BSN: variants seen among roughly 807,000 people sequenced by gnomAD.
BSN encodes the protein bassoon presynaptic cytomatrix protein, also known as protein bassoon.
BSN carries 57 observed loss-of-function variants against 264.8 expected under a neutral mutation model. The observed-to-expected ratio is 0.22, with a 90% CI of 0.17 to 0.27. The LOEUF (loss-of-function observed/expected upper bound fraction) is 0.27, where lower values mean the gene tolerates loss of function less well. Among genes scored for constraint, BSN ranks in the 10% least tolerant of loss-of-function variants. The probability of loss-of-function intolerance (pLI) is 1.00; values close to 1 mark genes in which losing one functional copy is unlikely to be tolerated. For missense variants in BSN, 4,615 were observed against 5,232.5 expected, an observed-to-expected ratio of 0.88 and a Z score of 3.64; for synonymous variants, 2,059 against 2,137.3, an observed-to-expected ratio of 0.96 and a Z score of 1.01.
At chr3:49,566,475 C>G (rs969432155) in intron 1 of BSN, among the ~76,000 whole-genome samples, 1 of 152,076 alleles carries the variant, frequency 6.6e-6, no homozygotes, top group African/African-American at 2.4e-5. Flanking sequence ...TCTCCTTGAC[C>G]TACTTTAGTG....
intron 9 of BSN, 106 bp downstream of exon 9, chr3:49,664,660 GC>G: frequency 1.3e-6 from 2 of 1,540,968 alleles, no homozygotes. Flanking sequence ...CAGCCAGAGA[GC>G]CCACCTGCTG....
rs1233963197 is a variant in BSN at position 49,661,439 on chromosome 3, C to T, written c.9594C>T (p.Pro3198=). 6.2e-7 allele frequency: 1 copy of T among 1,613,724 alleles called. No individual in the cohort carries two copies. The part of the protein sequence containing the change: ...GYEQGKVPEV[P]RAGDRGSVSQ... ...AGCAGGGCAAGGTCCCTGAGGTGCC[C>T]CGGGCTGGTGACCGTGGCAGTGTGA... Residue 3198 remains proline, a synonymous_variant, in exon 6 of 12, where the codon CCC becomes CCT. Transcript: ENST00000296452.
chr3:49,651,948 G>A lies in BSN; in HGVS notation c.2392G>A (p.Asp798Asn). The A allele has an allele frequency of 6.2e-7, 1 of 1,613,508 alleles. No individual in the cohort carries two copies. Among genetic ancestry groups the A allele is most frequent in the Non-Finnish European group, 8.5e-7 (1 of 1,179,822 alleles). Residue 798 changes from aspartate (D) to asparagine (N), a missense_variant, in exon 5 of 12, where the codon GAC becomes AAC. Coordinates refer to ENST00000296452, the MANE Select transcript of BSN (RefSeq NM_003458.4). The surrounding 1 kb of genome is among the most constrained non-coding windows in gnomAD (Gnocchi z 5.4). ...GTGGAGGCGCCGGAGAGAGCAGCAG[G>A]ACACTGCCGAGTCCTCAGACGACTT... Reference protein sequence around the residue: ...AEWRRRREQQDTAESSDDFGS... With the variant: ...AEWRRRREQQNTAESSDDFGS...
chr3:49,592,871 C>G (rs2051991385), intron 1 of BSN, among the ~76,000 whole-genome samples: 1 of 152,154 alleles, frequency 6.6e-6, no homozygotes, highest in Non-Finnish European at 1.5e-5. Flanking sequence ...ATAAAATCCA[C>G]CAATCTTTCT....
Position 49,613,333 on chromosome 3 carries a change from A to AGAGAGAGAGAGAGAGAGAGG in BSN, c.225-11626_225-11625insGAGGGAGAGAGAGAGAGAGA, listed in dbSNP as rs1559605446. On this transcript the variant is annotated intron_variant, in intron 1 of 11. Coordinates refer to ENST00000296452, the MANE Select transcript of BSN (RefSeq NM_003458.4). ...GAGAGAGAGAGAGAGAGAGAGAGAG[A>AGAGAGAGAGAGAGAGAGAGG]GAGAGAGAGAGAGAGAAGGGCTGGC... Among the ~76,000 whole-genome samples the AGAGAGAGAGAGAGAGAGAGG allele has an allele frequency of 6.7e-5, 10 of 150,076 alleles. 1 individual carries two copies. Among genetic ancestry groups the AGAGAGAGAGAGAGAGAGAGG allele is most frequent in the African/African-American group, 2.4e-4 (10 of 41,018 alleles).
At chr3:49,568,344 A>T (rs1395059565) in intron 1 of BSN, among the ~76,000 whole-genome samples, 1 of 152,206 alleles carries the variant, frequency 6.6e-6, no homozygotes, top group Non-Finnish European at 1.5e-5. Flanking sequence ...ACTTTTTTAA[A>T]ATTTAATTTT....
Position 49,625,532 on chromosome 3 carries a change from TTC to T in BSN, c.633+150_633+151del. Reference sequence around the variant, plus strand: ...GTCCTCCTGCAGGGATGTGTCCTGGTTCCAGGATGTGGCAGCAAAGAACAGGG... The same window carrying T: ...GTCCTCCTGCAGGGATGTGTCCTGGTCAGGATGTGGCAGCAAAGAACAGGG... On this transcript the variant is annotated intron_variant, in intron 2 of 11. Transcript: ENST00000296452. The surrounding 1 kb of genome is among the most constrained non-coding windows in gnomAD (Gnocchi z 4.4). 1 of 782,146 alleles carries T rather than the reference TTC, an allele frequency of 1.3e-6. No homozygotes were observed. Among genetic ancestry groups the T allele is most frequent in the Non-Finnish European group, 1.8e-6 (1 of 555,798 alleles). 48.5% of individuals were successfully genotyped at this position (782,146 alleles called of 1,614,324 possible). A position where few individuals can be genotyped will look rare whatever the true frequency, so the allele number is the denominator to read the frequency against.
At chr3:49,563,565 G>A (rs2108000438) in intron 1 of BSN, among the ~76,000 whole-genome samples, 3 of 152,348 alleles carry the variant, frequency 2.0e-5, no homozygotes, top group Middle Eastern at 6.8e-3. Flanking sequence ...GTAGAATGAA[G>A]AGATACATGT....
Position 49,657,645 on chromosome 3 carries a change from A to G in BSN, c.8089A>G (p.Lys2697Glu), listed in dbSNP as rs778508045. The G allele has an allele frequency of 7.4e-5, 118 of 1,593,880 alleles. 3 individuals carry two copies. In the South Asian group the frequency reaches 1.3e-3, roughly 17 times the overall value. The part of the protein sequence containing the change: ...AIHITAATDP[K>E]VEIVRYISAP... Reference sequence around the variant, plus strand: ...CCACATCACAGCTGCCACCGATCCCAAGGTGGAGATCGTCAGGTACATATC... The same window carrying G: ...CCACATCACAGCTGCCACCGATCCCGAGGTGGAGATCGTCAGGTACATATC... The change falls in exon 5 of 12, where the codon AAG becomes GAG. Residue 2697 changes from lysine to glutamate, a missense_variant. By Grantham distance (56) the Lys-to-Glu change is moderately conservative. This residue lies in a region of BSN where 3,415 missense variants were observed against 3,866.4 expected (regional missense o/e 0.88). Coordinates refer to ENST00000296452, the MANE Select transcript of BSN (RefSeq NM_003458.4).
At position 49,657,113 on chromosome 3, in the gene BSN, T is replaced by C; in HGVS notation, c.7557T>C (p.Leu2519=). 6.2e-7 allele frequency: 1 copy of C among 1,612,236 alleles called. No individual in the cohort carries two copies. The highest frequency in any genetic ancestry group is 1.1e-5 in the South Asian group (1 of 90,970). The change falls in exon 5 of 12, where the codon CTT becomes CTC. Residue 2519 remains leucine, a synonymous_variant. Coordinates refer to ENST00000296452, the MANE Select transcript of BSN (RefSeq NM_003458.4). The part of the protein sequence containing the change: ...AFIAMAGPEG[L]GQPREPVLHR... ...TTGCCATGGCAGGGCCTGAAGGACTTGGGCAGCCTCGTGAGCCTGTGCTGC... is the reference window on the plus strand; with the variant it reads ...TTGCCATGGCAGGGCCTGAAGGACTCGGGCAGCCTCGTGAGCCTGTGCTGC...
intron 1 of BSN, among the ~76,000 whole-genome samples, chr3:49,587,770 A>G (rs889456249): frequency 6.6e-6 from 1 of 152,058 alleles, no homozygotes; most frequent in African/African-American, 2.4e-5. Flanking sequence ...GTTACACCCT[A>G]TGCAAATGTC....
At chr3:49,566,790 A>G (rs2051755206) in intron 1 of BSN, among the ~76,000 whole-genome samples, 2 of 46,662 alleles carry the variant, frequency 4.3e-5, no homozygotes, top group African/African-American at 7.5e-5. Flanking sequence ...TGTTTCAGGA[A>G]AAAAAAAAAA....
chr3:49,667,426 C>A (rs1191830287), intron 11 of BSN, among the ~76,000 whole-genome samples, 164 bp from the exon 12 acceptor site: 1 of 152,136 alleles, frequency 6.6e-6, no homozygotes, highest in South Asian at 2.1e-4. Flanking sequence ...AAGCACCCAT[C>A]TCCCCAAGCC....
chr3:49,615,808 C>G (rs2052255679), intron 1 of BSN, among the ~76,000 whole-genome samples: 1 of 152,178 alleles, frequency 6.6e-6, no homozygotes, highest in South Asian at 2.1e-4. Context: ...AGTACACTTT[C>G]CATGGAGCCT....
rs773509322 is a variant in BSN at position 49,592,750 on chromosome 3, C to CA, written c.225-32211dup. ...CGGGTGACAGAGCGAGACTCCATCT[C>CA]AAAAAAAAAAAAAAGAAATAATACA... On this transcript the variant is annotated intron_variant, in intron 1 of 11. Transcript: ENST00000296452. Among the ~76,000 whole-genome samples, 645 of 112,860 alleles carry CA rather than the reference C, an allele frequency of 5.7e-3. 4 individuals carry two copies. The highest frequency in any genetic ancestry group is 0.034 in the East Asian group (133 of 3,928). 74.0% of individuals were successfully genotyped at this position (112,860 alleles called of 152,430 possible).
chr3:49,666,965 A>C (rs2052717706), intron 11 of BSN, among the ~76,000 whole-genome samples: 1 of 152,182 alleles, frequency 6.6e-6, no homozygotes, highest in African/African-American at 2.4e-5. Context: ...ATGTGAAATC[A>C]CAAGTGGTGC....
At chr3:49,580,347 T>G (rs2051886417) in intron 1 of BSN, among the ~76,000 whole-genome samples, 1 of 152,224 alleles carries the variant, frequency 6.6e-6, no homozygotes, top group Non-Finnish European at 1.5e-5. Context: ...AAGATTAATA[T>G]GAAATCTTAA....
chr3:49,651,919 C>A lies in BSN; in HGVS notation c.2363C>A (p.Ala788Asp), dbSNP rs1371324239. 1.2e-6 allele frequency: 2 copies of A among 1,613,616 alleles called. No individual in the cohort carries two copies. The highest frequency in any genetic ancestry group is 2.7e-5 in the African/African-American group (2 of 74,934). ...EDILEEDEDS[A>D]EWRRRREQQD... Reference sequence around the variant, plus strand: ...ATCCTGGAGGAAGACGAAGACTCTGCTGAGTGGAGGCGCCGGAGAGAGCAG... The same window carrying A: ...ATCCTGGAGGAAGACGAAGACTCTGATGAGTGGAGGCGCCGGAGAGAGCAG... The change falls in exon 5 of 12, where the codon GCT becomes GAT. Residue 788 changes from alanine to aspartate, a missense_variant. Coordinates refer to ENST00000296452, the MANE Select transcript of BSN (RefSeq NM_003458.4). This position sits in a 1 kb window ranked among gnomAD's most constrained non-coding sequence, Gnocchi z 5.4.
intron 3 of BSN, among the ~76,000 whole-genome samples, chr3:49,647,870 C>T (rs1425193304): frequency 6.6e-6 from 1 of 152,200 alleles, no homozygotes. Flanking sequence ...ACCCTTCTTC[C>T]CCACTCCCAG....
Sources: allele counts gnomAD v4.1 joint callset (sites outside exome capture counted in the v4.1 genomes callset), GRCh38; gene constraint gnomAD v4.1.1; regional missense constraint gnomAD v4.1.1; non-coding constraint Gnocchi (gnomAD v3.1); transcripts MANE v1.5; gene names NCBI Gene and HGNC (gene_info 2026-07-23, HGNC 2026-07-21).